PLEKHG1: variants seen among roughly 807,000 people sequenced by gnomAD.
PLEKHG1 encodes pleckstrin homology domain-containing family G member 1.
Under a neutral mutation model 100.8 loss-of-function variants are expected in PLEKHG1, and 44 were observed. The observed-to-expected ratio is 0.44, with a 90% confidence interval of 0.34 to 0.56. PLEKHG1 has a LOEUF of 0.56. Ranked by LOEUF, PLEKHG1 falls within the 20% of genes least tolerant of loss-of-function variation. The probability of loss-of-function intolerance (pLI) is 0.01; values close to 1 mark genes in which losing one functional copy is unlikely to be tolerated. For missense variants in PLEKHG1, 1,545 were observed against 1,720.9 expected (o/e 0.90, Z 1.81); for synonymous variants, 640 against 662.5 (o/e 0.97, Z 0.52).
At chr6:150,795,880 C>A in exon 5 of PLEKHG1, 1 of 1,604,116 alleles carries the variant, frequency 6.2e-7, no homozygotes, top group Non-Finnish European at 8.5e-7. Flanking sequence ...CATTTATACC[C>A]AGTATTGCAC....
At chr6:150,799,193 T>A (rs1425615546) in intron 5 of PLEKHG1, among the ~76,000 whole-genome samples, 1 of 152,234 alleles carries the variant, frequency 6.6e-6, no homozygotes, top group Non-Finnish European at 1.5e-5. Flanking sequence ...TATTTTATCT[T>A]GTCCACTTGT....
chr6:150,662,411 T>TTTTTG (rs1164548712), intron 3 of PLEKHG1: 1 of 152,172 alleles, frequency 6.6e-6, no homozygotes, highest in East Asian at 1.9e-4. Context: ...CATCTTCTGT[T>TTTTTG]TTTTGTTTTG....
At chr6:150,792,890 A>C (rs1326720685) in intron 4 of PLEKHG1, among the ~76,000 whole-genome samples, 1 of 152,188 alleles carries the variant, frequency 6.6e-6, no homozygotes, top group Non-Finnish European at 1.5e-5. Flanking sequence ...TCACACCAGG[A>C]AACAAGCTAC....
At chr6:150,702,256 G>A (rs1020622983) in intron 3 of PLEKHG1, among the ~76,000 whole-genome samples, 4 of 152,186 alleles carry the variant, frequency 2.6e-5, no homozygotes, top group African/African-American at 9.7e-5. Flanking sequence ...CGGATCACGA[G>A]GTCAGGAGTT....
At position 150,644,334 on chromosome 6, in the gene PLEKHG1, G is replaced by GTTTTTTTTTTTTT. The variant is rs57840463; in HGVS notation, c.-158+6215_-158+6227dup. On this transcript the variant is annotated intron_variant, in intron 2 of 3. Transcript: ENST00000367326. ...AAGAGAGTGGTTTTTTTCTTTTCGTGTTTTTTTTTTTTTTTTTTGTTACAG... is the reference window on the plus strand; with the variant it reads ...AAGAGAGTGGTTTTTTTCTTTTCGTGTTTTTTTTTTTTTTTTTTTTTTTTTTTTTTTGTTACAG... Among the ~76,000 whole-genome samples the GTTTTTTTTTTTTT allele has an allele frequency of 4.1e-3, 486 of 117,540 alleles. 11 individuals are homozygous for GTTTTTTTTTTTTT. Among genetic ancestry groups the GTTTTTTTTTTTTT allele is most frequent in the East Asian group, 6.0e-3 (23 of 3,802 alleles). 77.1% of individuals were successfully genotyped at this position (117,540 alleles called of 152,430 possible).
intron 3 of PLEKHG1, among the ~76,000 whole-genome samples, chr6:150,673,419 C>T (rs762247035): frequency 1.3e-5 from 2 of 152,154 alleles, no homozygotes; most frequent in Non-Finnish European, 2.9e-5. Flanking sequence ...TCTTGGTAGA[C>T]AAAGTTCATT....
chr6:150,756,761 T>C (rs1343682565), intron 2 of PLEKHG1, among the ~76,000 whole-genome samples: 4 of 152,176 alleles, frequency 2.6e-5, no homozygotes, highest in African/African-American at 7.2e-5. Flanking sequence ...TTTCAAGTCA[T>C]TTAGCACAAA....
At chr6:150,713,575 T>C (rs183425893) in intron 3 of PLEKHG1, among the ~76,000 whole-genome samples, 1 of 152,264 alleles carries the variant, frequency 6.6e-6, no homozygotes, top group East Asian at 1.9e-4. Flanking sequence ...AGAAGACTGA[T>C]TGTGATGACC....
intron 3 of PLEKHG1, among the ~76,000 whole-genome samples, chr6:150,656,132 C>A (rs80101661): frequency 6.6e-6 from 1 of 150,824 alleles, no homozygotes; most frequent in Non-Finnish European, 1.5e-5. Context: ...AAAAAAAAAA[C>A]TCTTCTAGAA....
intron 10 of PLEKHG1, among the ~76,000 whole-genome samples, chr6:150,810,528 A>G (rs371900929): frequency 2.1e-5 from 2 of 95,960 alleles, no homozygotes; most frequent in African/African-American, 6.8e-5. Flanking sequence ...GAAAGAAAGA[A>G]AGAAAGAAAG....
intron 3 of PLEKHG1, among the ~76,000 whole-genome samples, chr6:150,713,716 A>T (rs1271086022): frequency 6.6e-6 from 1 of 152,084 alleles, no homozygotes; most frequent in East Asian, 1.9e-4. Flanking sequence ...GCTCTTGAGA[A>T]TTGTCTCTCA....
intron 1 of PLEKHG1, among the ~76,000 whole-genome samples, chr6:150,620,740 C>T (rs1777263388): frequency 6.6e-6 from 1 of 152,180 alleles, no homozygotes; most frequent in Non-Finnish European, 1.5e-5. Context: ...ATCAGTTGCA[C>T]CATGCATTTG....
intron 4 of PLEKHG1, among the ~76,000 whole-genome samples, chr6:150,786,972 G>A (rs543951958): frequency 6.6e-6 from 1 of 150,878 alleles, no homozygotes; most frequent in South Asian, 2.1e-4. Flanking sequence ...AGGTTGCAGT[G>A]GGAGCCAAGA....
At chr6:150,760,831 T>G (rs1784115614) in intron 2 of PLEKHG1, among the ~76,000 whole-genome samples, 1 of 152,136 alleles carries the variant, frequency 6.6e-6, no homozygotes. Flanking sequence ...ATTTGGAAAC[T>G]GCAATTTCGA....
At chr6:150,762,201 C>CT (rs112324631) in intron 2 of PLEKHG1, among the ~76,000 whole-genome samples, 11,837 of 144,290 alleles carry the variant, frequency 0.082, 643 homozygotes, top group East Asian at 0.23. Flanking sequence ...CTCTCTTTTT[C>CT]TTTTTTTTTT....
upstream of PLEKHG1, among the ~76,000 whole-genome samples, chr6:150,717,509 C>T (rs1459266166): frequency 2.0e-5 from 3 of 152,170 alleles, no homozygotes; most frequent in Non-Finnish European, 4.4e-5. Flanking sequence ...GTGGCAGGGA[C>T]TTTCTGGTCT....
chr6:150,608,907 G>A (rs1043067046), intron 1 of PLEKHG1, among the ~76,000 whole-genome samples: 3 of 152,192 alleles, frequency 2.0e-5, no homozygotes, highest in Non-Finnish European at 2.9e-5. Context: ...CATAATATAT[G>A]TATGGCATCT....
chr6:150,741,012 T>G (rs1279909350), intron 2 of PLEKHG1, among the ~76,000 whole-genome samples: 1 of 152,156 alleles, frequency 6.6e-6, no homozygotes, highest in Non-Finnish European at 1.5e-5. Context: ...TTTCACCACC[T>G]CAACAACAGC....
rs1562427503 is a variant in PLEKHG1 at position 150,674,632 on chromosome 6, C to CTCTCTCTCTCTCTCTCTCTCTCTCTCTCT, written c.-99+23846_-99+23847insTCTCTCTCTCTCTCTCTCTCTCTCTCTCT. 4.5e-5 allele frequency among the ~76,000 whole-genome samples: 3 copies of CTCTCTCTCTCTCTCTCTCTCTCTCTCTCT among 66,284 alleles called. 1 individual carries two copies. Among genetic ancestry groups the CTCTCTCTCTCTCTCTCTCTCTCTCTCTCT allele is most frequent in the African/African-American group, 2.1e-4 (3 of 14,626 alleles). The allele number at this position is 66,284 out of a possible 152,430, so 43.5% of individuals were successfully genotyped here. The stretch of plus-strand genomic sequence containing the variant: ...CACCTGTAACTTTCTCTCTCTCCTC[C>CTCTCTCTCTCTCTCTCTCTCTCTCTCTCT]CTCTCTCTCTCTCTCTCTCTCTCTC... On this transcript the variant is annotated intron_variant, in intron 3 of 3. Transcript: ENST00000367326.
Sources: allele counts gnomAD v4.1 joint callset (sites outside exome capture counted in the v4.1 genomes callset), GRCh38; gene constraint gnomAD v4.1.1; transcripts MANE v1.5; gene names NCBI Gene and HGNC (gene_info 2026-07-23, HGNC 2026-07-21).